The following RCHY1 variants were observed in gnomAD, a reference collection of about 807,000 sequenced individuals.
RCHY1 encodes the protein RING finger and CHY zinc finger domain-containing protein 1.
Under a neutral mutation model 41.6 loss-of-function variants are expected in RCHY1, and 21 were observed. That is an observed-to-expected ratio of 0.51 (90% CI 0.36 to 0.73). The LOEUF (loss-of-function observed/expected upper bound fraction) is 0.73, where lower values mean the gene tolerates loss of function less well. Ranked by LOEUF, RCHY1 falls within the 30% of genes least tolerant of loss-of-function variation. RCHY1 has a pLI of 0.00. For synonymous variants in RCHY1, 79 were observed against 102.9 expected (o/e 0.77, Z 1.41); for missense variants, 265 against 325.3 (o/e 0.81, Z 1.43).
At chr4:75,513,852 CATT>C in intron 1 of RCHY1, 1 of 181,502 alleles carries the variant, frequency 5.5e-6, no homozygotes, top group East Asian at 1.4e-4. Flanking sequence ...TCTCCACTTC[CATT>C]ATTTCATCAC....
rs1721532850 is a variant in RCHY1, at chr4:75,481,671, G to A, written c.*867C>T. The A allele has an allele frequency of 6.6e-6, 1 of 152,330 alleles. No individual in the cohort carries two copies. The highest frequency in any genetic ancestry group is 2.4e-5 in the African/African-American group (1 of 41,574). 9.4% of individuals were successfully genotyped at this position (152,330 alleles called of 1,614,324 possible). On this transcript the variant is annotated 3_prime_UTR_variant, in exon 9 of 9. Transcript: ENST00000324439. Reference sequence around the variant, plus strand: ...ATGATGAACAATAGAATGTACTGCTGTGAGGACAAGGACTTTTATCTTTAT... The same window carrying A: ...ATGATGAACAATAGAATGTACTGCTATGAGGACAAGGACTTTTATCTTTAT...
At chr4:75,488,118 G>A (rs1053241139) in intron 8 of RCHY1, among the ~76,000 whole-genome samples, 2 of 151,220 alleles carry the variant, frequency 1.3e-5, no homozygotes, top group Non-Finnish European at 2.9e-5. Flanking sequence ...AATAAGAAAT[G>A]ATATTTAACC....
At chr4:75,495,700 G>A (rs1158717035) in intron 3 of RCHY1, among the ~76,000 whole-genome samples, 1 of 152,048 alleles carries the variant, frequency 6.6e-6, no homozygotes, top group Non-Finnish European at 1.5e-5. Context: ...TTATTTCCAT[G>A]AGAAATGAAC....
intron 8 of RCHY1, among the ~76,000 whole-genome samples, chr4:75,485,126 T>C (rs541334307): frequency 3.3e-5 from 5 of 152,350 alleles, no homozygotes; most frequent in Middle Eastern, 6.8e-3. Flanking sequence ...TATAGGCCCT[T>C]AGGTAAAGCT....
intron 3 of RCHY1, among the ~76,000 whole-genome samples, chr4:75,506,132 A>C (rs1216272715): frequency 6.7e-6 from 1 of 148,728 alleles, no homozygotes; most frequent in Non-Finnish European, 1.5e-5. Context: ...AGGACATACA[A>C]AAAAAAAAAA....
intron 8 of RCHY1, 88 bp downstream of exon 8, chr4:75,490,493 A>AT (rs11422865): frequency 0.12 from 101,581 of 830,396 alleles, 3,550 homozygotes; most frequent in African/African-American, 0.23. Flanking sequence ...GTATATATAT[A>AT]TTTTTTTTTT....
chr4:75,514,208 A>G lies in RCHY1; in HGVS notation c.79T>C (p.Cys27Arg), dbSNP rs1402990436. Residue 27 changes from cysteine to arginine, a missense_variant, in exon 1 of 9, where the codon TGT becomes CGT. Physicochemically the swap from Cys to Arg is radical, Grantham distance 180 (BLOSUM62 -3). Transcript: ENST00000324439. ...QRGCEHYDRG[C>R]LLKAPCCDKL... Reference sequence around the variant, plus strand: ...ATAGAAGGCGTCACCTTTAGGAGACATCCTCTGTCATAGTGCTCGCAGCCC... The same window carrying G: ...ATAGAAGGCGTCACCTTTAGGAGACGTCCTCTGTCATAGTGCTCGCAGCCC... 6.2e-7 allele frequency: 1 copy of G among 1,612,392 alleles called. No homozygotes were observed. Among genetic ancestry groups the G allele is most frequent in the South Asian group, 1.1e-5 (1 of 91,054 alleles).
rs990820937 is a variant in RCHY1, at chr4:75,481,194, C to T, written c.*1344G>A. On this transcript the variant is annotated 3_prime_UTR_variant, in exon 9 of 9. Transcript: ENST00000324439. ...TAAAGATCTGAGTCCCAAACTGCTG[C>T]CTTTATCTAGGTGAATAAATTTCAA... The T allele has an allele frequency of 2.0e-5, 3 of 152,104 alleles. No homozygotes were observed. Among genetic ancestry groups the T allele is most frequent in the African/African-American group, 7.2e-5 (3 of 41,416 alleles). 9.4% of individuals were successfully genotyped at this position (152,104 alleles called of 1,614,324 possible).
chr4:75,508,672 AC>A, intron 3 of RCHY1, 147 bp downstream of exon 3: 1 of 485,238 alleles, frequency 2.1e-6, no homozygotes, highest in Non-Finnish European at 3.6e-6. Context: ...TAAAAGAGAT[AC>A]CGGTATTTAT....
intron 1 of RCHY1, chr4:75,513,952 C>T: frequency 2.4e-6 from 1 of 413,626 alleles, no homozygotes; most frequent in South Asian, 6.0e-5. Context: ...CTGGCAGAGA[C>T]CACTGTGCAA....
Position 75,493,808 on chromosome 4 carries a change from T to A in RCHY1, c.405+293A>T, listed in dbSNP as rs140009975. On this transcript the variant is annotated intron_variant, in intron 4 of 8. Coordinates refer to ENST00000324439, the MANE Select transcript of RCHY1 (RefSeq NM_015436.4). ...AGTATTTCTCCTGTTTTAAAGTTAT[T>A]CTTAAAAGCAGTACCAATGGTAAGA... 6.2e-3 allele frequency among the ~76,000 whole-genome samples: 938 copies of A among 151,988 alleles called. 5 individuals carry two copies. Among genetic ancestry groups the A allele is most frequent in the African/African-American group, 0.021 (879 of 41,552 alleles).
intron 8 of RCHY1, among the ~76,000 whole-genome samples, chr4:75,487,503 A>T (rs1005418591): frequency 1.5e-5 from 2 of 133,020 alleles, no homozygotes; most frequent in African/African-American, 5.6e-5. Context: ...TTCATAATAT[A>T]TATATTCATA....
At chr4:75,486,562 G>A (rs1291144592) in intron 8 of RCHY1, among the ~76,000 whole-genome samples, 1 of 151,776 alleles carries the variant, frequency 6.6e-6, no homozygotes, top group East Asian at 1.9e-4. Context: ...ACTTCCTAGG[G>A]TTTTCACTGG....
chr4:75,506,742 C>A (rs986430325), intron 3 of RCHY1, among the ~76,000 whole-genome samples: 1 of 151,582 alleles, frequency 6.6e-6, no homozygotes, highest in Non-Finnish European at 1.5e-5. Context: ...GAGAAACTGG[C>A]CAAAAATATT....
Position 75,482,733 on chromosome 4 carries a change from TA to T in RCHY1, c.658-68del, listed in dbSNP as rs1721625160. On this transcript the variant is annotated intron_variant, in intron 8 of 8. Coordinates refer to ENST00000324439, the MANE Select transcript of RCHY1 (RefSeq NM_015436.4). ...AAATACAAGTAGCATTGTCTACTCA[TA>T]ATCCCTTGAAAATCATATTAAAGAT... is the stretch of plus-strand genomic sequence containing the variant. 10 of 1,104,546 alleles carry T rather than the reference TA, an allele frequency of 9.1e-6. No homozygotes were observed. In the South Asian group the frequency reaches 2.3e-4, roughly 26 times the overall value. 68.4% of individuals were successfully genotyped at this position (1,104,546 alleles called of 1,614,324 possible).
intron 8 of RCHY1, among the ~76,000 whole-genome samples, chr4:75,490,316 T>C (rs575538116): frequency 1.4e-4 from 21 of 152,052 alleles, no homozygotes; most frequent in Non-Finnish European, 2.4e-4. Context: ...TGGCAAGTAA[T>C]ATGTAAACAA....
intron 3 of RCHY1, among the ~76,000 whole-genome samples, chr4:75,501,998 G>C (rs1723814740): frequency 6.6e-6 from 1 of 151,952 alleles, no homozygotes; most frequent in African/African-American, 2.4e-5. Context: ...CTTGAACCCA[G>C]GAGGCAGAGG....
intron 8 of RCHY1, among the ~76,000 whole-genome samples, chr4:75,490,185 T>C (rs1250909287): frequency 1.3e-5 from 2 of 152,048 alleles, no homozygotes; most frequent in South Asian, 4.1e-4. Flanking sequence ...AACCAAAACG[T>C]AATCTCAAAA....
chr4:75,511,930 T>G (rs1373664749), intron 1 of RCHY1, among the ~76,000 whole-genome samples: 1 of 152,126 alleles, frequency 6.6e-6, no homozygotes. Flanking sequence ...AAACCAATGC[T>G]ACAGAACAAC....
Sources: gnomAD v4.1 joint callset for allele counts (sites outside exome capture counted in the v4.1 genomes callset) on GRCh38, gnomAD v4.1.1 for gene constraint, MANE v1.5 for transcripts, NCBI Gene and HGNC (gene_info 2026-07-23, HGNC 2026-07-21) for gene names.